Variants in EPHA6 observed in about 807,000 individuals in gnomAD.
The protein encoded by EPHA6 is ephrin type-A receptor 6.
EPHA6 carries 50 observed loss-of-function variants against 112.0 expected under a neutral mutation model. The observed-to-expected ratio is 0.45, with a 90% CI of 0.36 to 0.56. The LOEUF (loss-of-function observed/expected upper bound fraction) is 0.56. Ranked by LOEUF, EPHA6 falls within the 20% of genes least tolerant of loss-of-function variation. The pLI is 0.00. For synonymous variants in EPHA6, 529 were observed against 490.7 expected (o/e 1.08, Z -1.03); for missense variants, 1,280 against 1,417.4 (o/e 0.90, Z 1.56).
chr3:97,308,220 A>AT (rs1226597301), intron 5 of EPHA6, among the ~76,000 whole-genome samples: 1 of 151,712 alleles, frequency 6.6e-6, no homozygotes, highest in Non-Finnish European at 1.5e-5. Context: ...CTGTATGATT[A>AT]TAGTAATCGG....
chr3:97,317,566 A>T (rs1366555492), intron 5 of EPHA6, among the ~76,000 whole-genome samples: 2 of 151,900 alleles, frequency 1.3e-5, no homozygotes, highest in African/African-American at 2.4e-5. Context: ...GATTGGACTG[A>T]TAGTAGATTG....
chr3:97,685,389 C>T (rs546595190), intron 14 of EPHA6, among the ~76,000 whole-genome samples: 2 of 152,176 alleles, frequency 1.3e-5, no homozygotes, highest in Admixed American at 1.3e-4. Flanking sequence ...GAAGAAGTCA[C>T]TGTATCAGCA....
At chr3:97,009,750 A>G (rs2044013384) in intron 3 of EPHA6, among the ~76,000 whole-genome samples, 1 of 152,130 alleles carries the variant, frequency 6.6e-6, no homozygotes, top group Admixed American at 6.5e-5. Context: ...GGATCTTTCG[A>G]TCCATGGGTT....
intron 5 of EPHA6, among the ~76,000 whole-genome samples, chr3:97,323,265 ATAGTT>A (rs1380136856): frequency 6.6e-6 from 1 of 152,008 alleles, no homozygotes; most frequent in Non-Finnish European, 1.5e-5. Flanking sequence ...TATAAGGAAA[ATAGTT>A]TATTACTTTT....
intron 3 of EPHA6, among the ~76,000 whole-genome samples, chr3:97,057,545 C>T (rs2045890282): frequency 6.6e-6 from 1 of 151,860 alleles, no homozygotes; most frequent in African/African-American, 2.4e-5. Context: ...TCACATCAGC[C>T]AAAGCAAATC....
intron 2 of EPHA6, among the ~76,000 whole-genome samples, chr3:96,899,335 C>G (rs2038474366): frequency 6.6e-6 from 1 of 152,072 alleles, no homozygotes; most frequent in Non-Finnish European, 1.5e-5. Context: ...GGGGAGTTCC[C>G]TAATTCATTA....
chr3:97,506,450 C>CA (rs1352474250), intron 10 of EPHA6, among the ~76,000 whole-genome samples: 2 of 152,154 alleles, frequency 1.3e-5, no homozygotes, highest in African/African-American at 4.8e-5. Context: ...ATCCTTTCCC[C>CA]ATTGCTTGTT....
intron 3 of EPHA6, among the ~76,000 whole-genome samples, chr3:97,180,867 C>G (rs2108450459): frequency 6.6e-6 from 1 of 152,136 alleles, no homozygotes; most frequent in South Asian, 2.1e-4. Flanking sequence ...TAGCTAGCGT[C>G]TCAGTATATT....
intron 3 of EPHA6, among the ~76,000 whole-genome samples, chr3:97,169,188 T>C (rs1316822884): frequency 6.6e-6 from 1 of 152,176 alleles, no homozygotes; most frequent in African/African-American, 2.4e-5. Context: ...TTGCCTGTGT[T>C]TAATGGCCAT....
intron 11 of EPHA6, among the ~76,000 whole-genome samples, chr3:97,571,432 G>A (rs933060906): frequency 6.6e-6 from 1 of 152,056 alleles, no homozygotes; most frequent in Admixed American, 6.5e-5. Flanking sequence ...GCATATGTTA[G>A]GCAATTTCTC....
At chr3:97,604,226 A>T (rs531041673) in intron 12 of EPHA6, among the ~76,000 whole-genome samples, 2 of 151,872 alleles carry the variant, frequency 1.3e-5, no homozygotes, top group South Asian at 2.1e-4. Flanking sequence ...AAAGTGAGTT[A>T]AAAAAGGTTA....
chr3:97,409,368 G>T (rs1346138751), intron 6 of EPHA6, among the ~76,000 whole-genome samples: 1 of 152,050 alleles, frequency 6.6e-6, no homozygotes, highest in Non-Finnish European at 1.5e-5. Flanking sequence ...GCAAGGACTA[G>T]CTAATTTACT....
At chr3:97,219,119 C>T (rs1276438199) in intron 3 of EPHA6, among the ~76,000 whole-genome samples, 1 of 152,120 alleles carries the variant, frequency 6.6e-6, no homozygotes, top group Non-Finnish European at 1.5e-5. Flanking sequence ...CAGGGTACAG[C>T]TCCACTCCTG....
chr3:97,435,638 T>G (rs1358701721), intron 6 of EPHA6, among the ~76,000 whole-genome samples: 1 of 152,138 alleles, frequency 6.6e-6, no homozygotes, highest in Non-Finnish European at 1.5e-5. Flanking sequence ...AAATACATAG[T>G]CCATAAATAT....
intron 3 of EPHA6, among the ~76,000 whole-genome samples, chr3:97,105,087 ACTC>A (rs2047524415): frequency 6.7e-6 from 1 of 149,348 alleles, no homozygotes; most frequent in Non-Finnish European, 1.5e-5. Context: ...TTAAAAAAAA[ACTC>A]CTCGATTTCT....
chr3:97,692,746 A>C (rs763991219), intron 14 of EPHA6, among the ~76,000 whole-genome samples: 13 of 152,164 alleles, frequency 8.5e-5, no homozygotes, highest in Non-Finnish European at 1.8e-4. Flanking sequence ...TACTCACATC[A>C]CTGTGGCTCA....
intron 14 of EPHA6, chr3:97,648,380 AC>A: frequency 6.6e-7 from 1 of 1,520,224 alleles, no homozygotes; most frequent in Non-Finnish European, 8.7e-7. Flanking sequence ...CATAGCCTAC[AC>A]CCAACTGGAG....
chr3:97,184,931 CT>C (rs1488226237), intron 3 of EPHA6, among the ~76,000 whole-genome samples: 4 of 152,150 alleles, frequency 2.6e-5, no homozygotes, highest in Admixed American at 1.3e-4. Context: ...ACCATCTGAT[CT>C]TTGACAAACC....
intron 16 of EPHA6, among the ~76,000 whole-genome samples, chr3:97,741,928 G>C (rs2035521798): frequency 6.6e-6 from 1 of 151,940 alleles, no homozygotes; most frequent in Admixed American, 6.6e-5. Context: ...CTTAGTCATG[G>C]GAATAAATAG....
Sources: gnomAD v4.1 joint callset for allele counts (sites outside exome capture counted in the v4.1 genomes callset) on GRCh38, gnomAD v4.1.1 for gene constraint, MANE v1.5 for transcripts, NCBI Gene and HGNC (gene_info 2026-07-23, HGNC 2026-07-21) for gene names.